Variants in HDHD5 observed in about 807,000 individuals in gnomAD.
HDHD5 encodes haloacid dehalogenase like hydrolase domain containing 5.
A neutral mutation model predicts 35.5 loss-of-function variants in HDHD5; 34 were observed. That is an observed-to-expected ratio of 0.96 (90% CI 0.73 to 1.28). HDHD5 has a LOEUF of 1.28. HDHD5 is among the 50% of genes most tolerant of loss of function. HDHD5 has a pLI of 0.00. For missense variants in HDHD5, 589 were observed against 560.2 expected, an observed-to-expected ratio of 1.05 and a Z score of -0.52; for synonymous variants, 248 against 240.6, an observed-to-expected ratio of 1.03 and a Z score of -0.29.
intron 3 of HDHD5, 47 bp from the exon 4 acceptor site, chr22:17,145,164 G>C: frequency 2.5e-6 from 4 of 1,610,244 alleles, no homozygotes; most frequent in South Asian, 1.1e-5. Flanking sequence ...TGGGGAAGAT[G>C]CCTTTCTGAA....
In HDHD5 at chr22:17,149,737, G is replaced by A; in HGVS notation, c.135C>T (p.Pro45=). 1 of 1,614,018 alleles carries A rather than the reference G, an allele frequency of 6.2e-7. No homozygotes were observed. Among genetic ancestry groups the A allele is most frequent in the Non-Finnish European group, 8.5e-7 (1 of 1,179,992 alleles). ...CYAVGPAQSP[P]TFGFLLDIDG... ...CGATGTCCAACAGGAACCCAAAGGT[G>A]GGTGGGCTCTGCAGAGATGGTAAGA... is the stretch of plus-strand genomic sequence containing the variant. The change falls in exon 2 of 8, where the codon CCC becomes CCT. Residue 45 remains proline, a synonymous_variant. Coordinates refer to ENST00000336737, the MANE Select transcript of HDHD5 (RefSeq NM_033070.3).
At chr22:17,145,233 G>C (rs1016277457) in intron 3 of HDHD5, 116 bp from the exon 4 acceptor site, 1 of 1,511,194 alleles carries the variant, frequency 6.6e-7, no homozygotes, top group Admixed American at 2.0e-5. Context: ...AGGCAGGAGG[G>C]CACCAAGCAG....
chr22:17,153,870 A>G (rs555306555), intron 1 of HDHD5, among the ~76,000 whole-genome samples: 14 of 152,170 alleles, frequency 9.2e-5, no homozygotes, highest in African/African-American at 3.1e-4. Flanking sequence ...TGGCTCTTAG[A>G]AAGTAAGTCC....
At chr22:17,160,011 C>A (rs2061851797), upstream of HDHD5, among the ~76,000 whole-genome samples, 1 of 152,218 alleles carries the variant, frequency 6.6e-6, no homozygotes, top group African/African-American at 2.4e-5. Context: ...AGGCCCTTAG[C>A]AGAGCTGGAT....
At chr22:17,161,152 A>G (rs1255204037), upstream of HDHD5, among the ~76,000 whole-genome samples, 2 of 150,706 alleles carry the variant, frequency 1.3e-5, no homozygotes, top group African/African-American at 4.9e-5. Context: ...AAGCTGAGGC[A>G]GGAGAATCGC....
chr22:17,140,767 C>T (rs2061590612), intron 6 of HDHD5, among the ~76,000 whole-genome samples: 1 of 152,188 alleles, frequency 6.6e-6, no homozygotes, highest in Admixed American at 6.5e-5. Flanking sequence ...TGGGATCCAC[C>T]AGACACCAAG....
At chr22:17,159,008 C>T (rs1381727718) in intron 1 of HDHD5, 118 bp downstream of exon 1, 6 of 964,670 alleles carry the variant, frequency 6.2e-6, no homozygotes, top group Non-Finnish European at 6.5e-6. Flanking sequence ...CGACGACGGT[C>T]CAGGCAGTTC....
intron 4 of HDHD5, among the ~76,000 whole-genome samples, chr22:17,144,678 T>C (rs2061639702): frequency 6.6e-6 from 1 of 152,002 alleles, no homozygotes; most frequent in Non-Finnish European, 1.5e-5. Context: ...CCTCCCAAAG[T>C]GCTGGAATTA....
At chr22:17,159,064 C>G in intron 1 of HDHD5, 62 bp downstream of exon 1, 1 of 1,196,054 alleles carries the variant, frequency 8.4e-7, no homozygotes, top group Non-Finnish European at 1.0e-6. Context: ...TTCCCCGCGG[C>G]TCCCCGCCCC....
chr22:17,138,694 T>C lies in HDHD5; in HGVS notation c.791A>G (p.Gln264Arg), dbSNP rs2061564344. 5 of 1,614,122 alleles carry C rather than the reference T, an allele frequency of 3.1e-6. No homozygotes were observed. The highest frequency in any genetic ancestry group is 1.7e-5 in the Admixed American group (1 of 60,010). ...TFLLCLETIYQKVTGKELRYE... is the reference protein window; with the variant it reads ...TFLLCLETIYRKVTGKELRYE... ...TCTCAGCTCCTTGCCCGTCACTTTC[T>C]GGTAAATGGTTTCCAGGCACAGCAG... Residue 264 changes from glutamine to arginine, a missense_variant, in exon 7 of 8, where the codon CAG becomes CGG. Physicochemically the swap from Gln to Arg is conservative, Grantham distance 43. Transcript: ENST00000336737.
chr22:17,159,286 GCC>G (rs746678755), upstream of HDHD5: 59,069 of 1,032,992 alleles, frequency 0.057, 1,414 homozygotes, highest in South Asian at 0.13. Context: ...ACGGCGTGCG[GCC>G]CCCCCCCCCC....
chr22:17,140,128 C>T (rs1280152960), intron 6 of HDHD5, among the ~76,000 whole-genome samples: 1 of 152,202 alleles, frequency 6.6e-6, no homozygotes, highest in Non-Finnish European at 1.5e-5. Context: ...GGCCCTGAGG[C>T]AGTACTGGGC....
chr22:17,148,754 A>G (rs1396320259), intron 2 of HDHD5, among the ~76,000 whole-genome samples, 194 bp from the exon 3 acceptor site: 1 of 152,188 alleles, frequency 6.6e-6, no homozygotes, highest in Admixed American at 6.5e-5. Flanking sequence ...AACCTGTCTC[A>G]TTTAGTTCTT....
At chr22:17,156,193 A>G (rs2061788037) in intron 1 of HDHD5, among the ~76,000 whole-genome samples, 2 of 152,206 alleles carry the variant, frequency 1.3e-5, no homozygotes, top group Admixed American at 1.3e-4. Flanking sequence ...ACTGCCCCCT[A>G]AAGACCTTCT....
chr22:17,138,254 G>A lies in HDHD5; in HGVS notation c.1039C>T (p.Gln347Ter). The part of the protein sequence containing the change: ...APELGAGGTR[Q>*]QQPSASQSCI... Reference sequence around the variant, plus strand: ...CTCTGGCTTGCTGAGGGCTGTTGCTGCCGTGTGCCCCCGGCCCCTAGTTCT... The same window carrying A: ...CTCTGGCTTGCTGAGGGCTGTTGCTACCGTGTGCCCCCGGCCCCTAGTTCT... The change falls in exon 8 of 8, where the codon CAG becomes TAG. Residue 347 changes from glutamine (Q) to a stop codon, truncating the protein, a stop_gained. Coordinates refer to ENST00000336737, the MANE Select transcript of HDHD5 (RefSeq NM_033070.3). LOFTEE classifies it low-confidence loss of function (END_TRUNC). 1 of 1,614,220 alleles carries A rather than the reference G, an allele frequency of 6.2e-7. No individual in the cohort carries two copies. The highest frequency in any genetic ancestry group is 8.5e-7 in the Non-Finnish European group (1 of 1,180,050).
At chr22:17,159,039 C>T in intron 1 of HDHD5, 87 bp downstream of exon 1, 1 of 1,123,902 alleles carries the variant, frequency 8.9e-7, no homozygotes, top group Non-Finnish European at 1.1e-6. Flanking sequence ...GGGATACCAG[C>T]CCGGCCGCCC....
intron 2 of HDHD5, among the ~76,000 whole-genome samples, 159 bp downstream of exon 2, chr22:17,149,382 CT>C (rs1464388846): frequency 6.6e-6 from 1 of 152,222 alleles, no homozygotes; most frequent in Non-Finnish European, 1.5e-5. Flanking sequence ...TAATCTACAA[CT>C]GCCAAATACA....
rs1420757744 is a variant in HDHD5 at position 17,145,065 on chromosome 22, G to C, written c.496C>G (p.Leu166Val). The C allele has an allele frequency of 6.8e-6, 11 of 1,613,926 alleles. No individual in the cohort carries two copies. The Admixed American group carries it at 1.7e-4, about 24-fold the overall frequency. ...CGCTCCAGGTCCACCATGTCAAGCA[G>C]AGGAAAGGCCATCCGCAGCTCATCC... ...TVDELRMAFP[L>V]LDMVDLERRL... The change falls in exon 4 of 8, where the codon CTG becomes GTG. Residue 166 changes from leucine (L) to valine (V), a missense_variant. Physicochemically the swap from Leu to Val is conservative, Grantham distance 32. Coordinates refer to ENST00000336737, the MANE Select transcript of HDHD5 (RefSeq NM_033070.3).
intron 3 of HDHD5, among the ~76,000 whole-genome samples, chr22:17,147,786 C>T (rs1244781368): frequency 1.3e-5 from 2 of 151,896 alleles, no homozygotes; most frequent in South Asian, 2.1e-4. Context: ...ACACCTGTGA[C>T]GCCCTCCTGT....
Sources: allele counts gnomAD v4.1 joint callset (sites outside exome capture counted in the v4.1 genomes callset), GRCh38; gene constraint gnomAD v4.1.1; transcripts MANE v1.5; gene names NCBI Gene and HGNC (gene_info 2026-07-23, HGNC 2026-07-21).